Variants in DDAH1 observed in about 807,000 individuals in gnomAD.
The protein encoded by DDAH1 is N(G),N(G)-dimethylarginine dimethylaminohydrolase 1.
In DDAH1, 19 loss-of-function variants were observed where a neutral mutation model predicts 28.8. That is an observed-to-expected ratio of 0.66 (90% CI 0.46 to 0.97). The LOEUF (loss-of-function observed/expected upper bound fraction) is 0.97. DDAH1 is among the 50% of genes least tolerant of loss of function. DDAH1 has a pLI of 0.00. For synonymous variants in DDAH1, 153 were observed against 154.4 expected (o/e 0.99, Z 0.07); for missense variants, 326 against 375.9 (o/e 0.87, Z 1.10).
intron 1 of DDAH1, among the ~76,000 whole-genome samples, chr1:85,567,575 G>C (rs1296507320): frequency 2.0e-5 from 3 of 151,930 alleles, no homozygotes; most frequent in East Asian, 3.9e-4. Flanking sequence ...TTTTTAAATT[G>C]CCCAGTCTCA....
chr1:85,564,271 A>G (rs1310442993), intron 1 of DDAH1, among the ~76,000 whole-genome samples: 1 of 152,194 alleles, frequency 6.6e-6, no homozygotes, highest in Admixed American at 6.5e-5. Flanking sequence ...CTCCCATAAA[A>G]GATTAATGAA....
intron 1 of DDAH1, among the ~76,000 whole-genome samples, chr1:85,446,140 A>C (rs1654416859): frequency 6.6e-6 from 1 of 152,178 alleles, no homozygotes; most frequent in Non-Finnish European, 1.5e-5. Context: ...GTCTGCTTTC[A>C]TACTGCTATG....
intron 1 of DDAH1, among the ~76,000 whole-genome samples, chr1:85,545,622 C>A (rs1363584735): frequency 2.0e-5 from 3 of 152,090 alleles, no homozygotes; most frequent in African/African-American, 4.8e-5. Flanking sequence ...AATATATATC[C>A]AAAATGTTCC....
chr1:85,352,053 T>C (rs1035143342), intron 2 of DDAH1, among the ~76,000 whole-genome samples: 9 of 152,304 alleles, frequency 5.9e-5, no homozygotes, highest in African/African-American at 1.9e-4. Flanking sequence ...AATTAAGTAA[T>C]AGCAATGACA....
At chr1:85,557,563 T>G (rs990755142) in intron 1 of DDAH1, among the ~76,000 whole-genome samples, 1 of 152,148 alleles carries the variant, frequency 6.6e-6, no homozygotes, top group Non-Finnish European at 1.5e-5. Context: ...AGAAATTAGC[T>G]TTTTTTCACT....
intron 4 of DDAH1, among the ~76,000 whole-genome samples, chr1:85,349,154 G>A (rs1649043740): frequency 6.6e-6 from 1 of 152,096 alleles, no homozygotes; most frequent in Admixed American, 6.5e-5. Flanking sequence ...ACTTCCAGAT[G>A]GAGCAGAACA....
At chr1:85,573,955 G>A (rs112423817) in intron 1 of DDAH1, among the ~76,000 whole-genome samples, 3,195 of 152,318 alleles carry the variant, frequency 0.021, 117 homozygotes, top group African/African-American at 0.07. Flanking sequence ...TCAGTCCAGA[G>A]ATCACAAATG....
intron 1 of DDAH1, chr1:85,521,670 G>A (rs1394171618): frequency 5.1e-6 from 5 of 984,464 alleles, no homozygotes; most frequent in Admixed American, 1.2e-4. Flanking sequence ...TGTGCTGCCT[G>A]GCAAATTCCT....
intron 1 of DDAH1, among the ~76,000 whole-genome samples, chr1:85,375,274 G>T (rs1464449243): frequency 6.6e-6 from 1 of 152,082 alleles, no homozygotes; most frequent in African/African-American, 2.4e-5. Flanking sequence ...TGCACAGAGA[G>T]AGGTCCCTCT....
At chr1:85,545,589 G>A (rs1201549382) in intron 1 of DDAH1, among the ~76,000 whole-genome samples, 2 of 152,158 alleles carry the variant, frequency 1.3e-5, no homozygotes, top group Admixed American at 1.3e-4. Context: ...TCTGCATTTG[G>A]AAAGAGGTGT....
upstream of DDAH1, among the ~76,000 whole-genome samples, chr1:85,468,185 CT>C (rs1655451659): frequency 2.0e-5 from 3 of 152,290 alleles, no homozygotes; most frequent in Non-Finnish European, 4.4e-5. Context: ...TTGACAGAAG[CT>C]TATCTCTTGT....
intron 1 of DDAH1, among the ~76,000 whole-genome samples, chr1:85,549,851 A>G (rs1658732376): frequency 6.6e-6 from 1 of 152,228 alleles, no homozygotes; most frequent in Admixed American, 6.5e-5. Context: ...AAGAGTGATT[A>G]AGTAATCATT....
At chr1:85,382,456 T>C (rs1651042131) in intron 1 of DDAH1, among the ~76,000 whole-genome samples, 1 of 152,192 alleles carries the variant, frequency 6.6e-6, no homozygotes, top group South Asian at 2.1e-4. Context: ...AAAGAAGCCA[T>C]CTTTATAACA....
intron 1 of DDAH1, among the ~76,000 whole-genome samples, chr1:85,429,397 T>G (rs538289123): frequency 6.6e-6 from 1 of 152,358 alleles, no homozygotes; most frequent in Non-Finnish European, 1.5e-5. Context: ...TGCCACATTT[T>G]CTTTATCCAG....
chr1:85,551,530 T>C (rs933078457), intron 1 of DDAH1, among the ~76,000 whole-genome samples: 1 of 152,194 alleles, frequency 6.6e-6, no homozygotes, highest in African/African-American at 2.4e-5. Context: ...TTAAGTGAAG[T>C]TTCAACTTTC....
At chr1:85,551,845 T>C (rs1283296128) in intron 1 of DDAH1, among the ~76,000 whole-genome samples, 6 of 152,156 alleles carry the variant, frequency 3.9e-5, no homozygotes, top group Non-Finnish European at 7.3e-5. Context: ...GGCAGTGAGA[T>C]AGAGCATGGC....
intron 1 of DDAH1, among the ~76,000 whole-genome samples, chr1:85,447,000 A>C (rs972973584): frequency 3.3e-5 from 5 of 152,182 alleles, no homozygotes; most frequent in Admixed American, 2.6e-4. Flanking sequence ...GTCATCATTG[A>C]ATTTTAAAAC....
intron 4 of DDAH1, among the ~76,000 whole-genome samples, chr1:85,345,739 C>A (rs2100831995): frequency 6.6e-6 from 1 of 152,214 alleles, no homozygotes; most frequent in Non-Finnish European, 1.5e-5. Flanking sequence ...GTGGCGGGTG[C>A]CTATAATCCC....
At chr1:85,387,498 G>A (rs577929828) in intron 1 of DDAH1, among the ~76,000 whole-genome samples, 1 of 152,280 alleles carries the variant, frequency 6.6e-6, no homozygotes, top group Admixed American at 6.5e-5. Context: ...TAACAAAAGT[G>A]ATCTTTGCTC....
Sources: allele counts gnomAD v4.1 joint callset (sites outside exome capture counted in the v4.1 genomes callset), GRCh38; gene constraint gnomAD v4.1.1; transcripts MANE v1.5; gene names NCBI Gene and HGNC (gene_info 2026-07-23, HGNC 2026-07-21).